Variants in AP2B1 observed in about 807,000 individuals in gnomAD.
AP2B1 encodes adaptor related protein complex 2 subunit beta 1, also known as AP-2 complex subunit beta.
Under a neutral mutation model 102.0 loss-of-function variants are expected in AP2B1, and 23 were observed. That is an observed-to-expected ratio of 0.23 (90% CI 0.16 to 0.32). The LOEUF (loss-of-function observed/expected upper bound fraction) is 0.32. AP2B1 is among the 10% of genes least tolerant of loss of function. AP2B1 has a pLI of 1.00. For missense variants in AP2B1, 541 were observed against 1,157.4 expected (o/e 0.47, Z 7.73); for synonymous variants, 381 against 421.2 (o/e 0.90, Z 1.17).
intron 5 of AP2B1, 132 bp from the exon 6 acceptor site, chr17:35,624,265 T>C (rs2074258797): frequency 3.7e-6 from 3 of 810,018 alleles, no homozygotes; most frequent in African/African-American, 3.4e-5. Context: ...TTTGTTTCTA[T>C]CTGACTAGGT....
At position 35,637,746 on chromosome 17, in the gene AP2B1, C is replaced by T. The variant is rs968614251; in HGVS notation, c.1271+1290C>T. 3.4e-5 allele frequency among the ~76,000 whole-genome samples: 5 copies of T among 148,206 alleles called. No homozygotes were observed. The East Asian group carries it at 8.0e-4, about 24-fold the overall frequency. On this transcript the variant is annotated intron_variant, in intron 10 of 21. Coordinates refer to ENST00000610402, the MANE Select transcript of AP2B1 (RefSeq NM_001030006.2). ...TGTTGCCCAGGCTGGAGTGCAGTAGCGTGATCTCAGCTCACTGCAACCTCT... is the reference window on the plus strand; with the variant it reads ...TGTTGCCCAGGCTGGAGTGCAGTAGTGTGATCTCAGCTCACTGCAACCTCT...
chr17:35,660,481 C>CTTT (rs71366472), intron 14 of AP2B1, among the ~76,000 whole-genome samples: 23 of 127,752 alleles, frequency 1.8e-4, no homozygotes, highest in African/African-American at 2.0e-4. Context: ...TTTTCTCTCT[C>CTTT]TTTTTTTTTT....
At chr17:35,645,803 C>G (rs367756435) in intron 12 of AP2B1, among the ~76,000 whole-genome samples, 5 of 152,222 alleles carry the variant, frequency 3.3e-5, no homozygotes, top group African/African-American at 1.2e-4. Flanking sequence ...GAGCCAAGAT[C>G]GTGCCATTAC....
intron 3 of AP2B1, among the ~76,000 whole-genome samples, chr17:35,600,248 A>G (rs2073432453): frequency 6.6e-6 from 1 of 151,920 alleles, no homozygotes; most frequent in Non-Finnish European, 1.5e-5. Flanking sequence ...CCACCCGGCT[A>G]ATTTTTGTAT....
At chr17:35,611,480 T>TGTGTGTGC (rs1555558222) in intron 5 of AP2B1, among the ~76,000 whole-genome samples, 5 of 151,976 alleles carry the variant, frequency 3.3e-5, no homozygotes, top group African/African-American at 1.2e-4. Flanking sequence ...TGTGTGTGTG[T>TGTGTGTGC]GCGCGCGCGC....
At chr17:35,723,552 C>A in intron 21 of AP2B1, 73 bp from the exon 22 acceptor site, 1 of 983,696 alleles carries the variant, frequency 1.0e-6, no homozygotes, top group Non-Finnish European at 1.6e-6. Flanking sequence ...TTTTCTTGAA[C>A]TGAGTGCTTG....
At chr17:35,597,703 C>T (rs1190248410) in intron 2 of AP2B1, among the ~76,000 whole-genome samples, 1 of 152,148 alleles carries the variant, frequency 6.6e-6, no homozygotes, top group Non-Finnish European at 1.5e-5. Context: ...TAGTATTTCT[C>T]AGGTAATATT....
chr17:35,668,175 G>C lies in AP2B1; in HGVS notation c.1990-2682G>C, dbSNP rs561378932. ...TGGTCTTGAACTCCTGACCTCAGGTGATCAACCGGCCTCGGCTTCCCAAAG... is the reference window on the plus strand; with the variant it reads ...TGGTCTTGAACTCCTGACCTCAGGTCATCAACCGGCCTCGGCTTCCCAAAG... On this transcript the variant is annotated intron_variant, in intron 14 of 21. Transcript: ENST00000610402. 3.3e-5 allele frequency among the ~76,000 whole-genome samples: 5 copies of C among 152,162 alleles called. No homozygotes were observed. In the East Asian group the frequency reaches 9.6e-4, roughly 29 times the overall value.
intron 5 of AP2B1, among the ~76,000 whole-genome samples, chr17:35,614,113 G>A (rs760199221): frequency 7.9e-5 from 12 of 152,220 alleles, no homozygotes; most frequent in Non-Finnish European, 1.3e-4. Context: ...GTTAACTTAC[G>A]TATATTAGAA....
chr17:35,693,938 A>G (rs762097455), intron 18 of AP2B1, among the ~76,000 whole-genome samples: 10 of 152,250 alleles, frequency 6.6e-5, no homozygotes, highest in Non-Finnish European at 1.0e-4. Flanking sequence ...ACTGTCCACC[A>G]GGCAGAACAT....
chr17:35,683,279 G>A lies in AP2B1; in HGVS notation c.2454+455G>A, dbSNP rs374455233. Among the ~76,000 whole-genome samples the A allele has an allele frequency of 4.6e-5, 7 of 152,262 alleles. No individual in the cohort carries two copies. The South Asian group carries it at 8.3e-4, about 18-fold the overall frequency. On this transcript the variant is annotated intron_variant, in intron 18 of 21. Coordinates refer to ENST00000610402, the MANE Select transcript of AP2B1 (RefSeq NM_001030006.2). ...AAATCTTTGTGGACGAGAGTTTTAT[G>A]TTTTGTTGTTAAGAAAAACAAAAGT...
chr17:35,676,939 A>G (rs1042617062), intron 17 of AP2B1, among the ~76,000 whole-genome samples: 3 of 151,988 alleles, frequency 2.0e-5, no homozygotes, highest in Non-Finnish European at 4.4e-5. Flanking sequence ...TTCCCAGTCC[A>G]TGGCTTGCCT....
intron 18 of AP2B1, among the ~76,000 whole-genome samples, chr17:35,684,105 T>G (rs963267182): frequency 1.3e-5 from 2 of 152,174 alleles, no homozygotes; most frequent in African/African-American, 4.8e-5. Context: ...AAGCAGCCCT[T>G]TAACAACAGT....
At chr17:35,658,027 T>C (rs1476774746) in intron 14 of AP2B1, among the ~76,000 whole-genome samples, 1 of 152,198 alleles carries the variant, frequency 6.6e-6, no homozygotes, top group Non-Finnish European at 1.5e-5. Flanking sequence ...TGCCTCTAAA[T>C]AGAACTTTTG....
chr17:35,710,964 A>G (rs2076434847), intron 20 of AP2B1, among the ~76,000 whole-genome samples: 1 of 152,184 alleles, frequency 6.6e-6, no homozygotes, highest in Admixed American at 6.5e-5. Context: ...CACCTTTCAT[A>G]TGATGATACT....
Position 35,671,744 on chromosome 17 carries a change from T to TC in AP2B1, c.2032-9dup. On this transcript the variant is annotated splice_polypyrimidine_tract_variant and intron_variant, in intron 15 of 21. Coordinates refer to ENST00000610402, the MANE Select transcript of AP2B1 (RefSeq NM_001030006.2). The stretch of plus-strand genomic sequence containing the variant: ...CAATCTCCCCTCTCCCTTTTTTTTT[T>TC]CTCCTGCAGGTGGGACAATCCTTCA... 6.2e-7 allele frequency: 1 copy of TC among 1,612,590 alleles called. No homozygotes were observed. Among genetic ancestry groups the TC allele is most frequent in the South Asian group, 1.1e-5 (1 of 90,990 alleles).
chr17:35,624,551 C>T lies in AP2B1; in HGVS notation c.680C>T (p.Ser227Phe). 1 of 1,614,092 alleles carries T rather than the reference C, an allele frequency of 6.2e-7. No homozygotes were observed. The part of the protein sequence containing the change: ...WGQIFILDCL[S>F]NYNPKDDREA... The stretch of plus-strand genomic sequence containing the variant: ...CAGATTTTCATCCTGGACTGCCTGT[C>T]TAATTACAACCCTAAAGATGATCGG... Residue 227 changes from serine to phenylalanine, a missense_variant, in exon 6 of 22, where the codon TCT (serine) becomes TTT (phenylalanine). This residue lies in a region of AP2B1 where 134 missense variants were observed against 250.2 expected (regional missense o/e 0.54). Transcript: ENST00000610402.
At chr17:35,667,922 T>C (rs983206581) in intron 14 of AP2B1, among the ~76,000 whole-genome samples, 2 of 149,952 alleles carry the variant, frequency 1.3e-5, no homozygotes, top group African/African-American at 2.5e-5. Flanking sequence ...TGGGTTTTCC[T>C]CGCTGCTCAA....
At chr17:35,721,276 C>T (rs182802435) in intron 21 of AP2B1, among the ~76,000 whole-genome samples, 84 of 152,268 alleles carry the variant, frequency 5.5e-4, no homozygotes, top group African/African-American at 2.0e-3. Flanking sequence ...ACACCATATG[C>T]CAAAAGTGGA....
Sources: allele counts gnomAD v4.1 joint callset (sites outside exome capture counted in the v4.1 genomes callset), GRCh38; gene constraint gnomAD v4.1.1; regional missense constraint gnomAD v4.1.1; transcripts MANE v1.5; gene names NCBI Gene and HGNC (gene_info 2026-07-23, HGNC 2026-07-21).